Variants in G2E3 observed in about 807,000 individuals in gnomAD.
G2E3 encodes G2/M phase-specific E3 ubiquitin-protein ligase.
A neutral mutation model predicts 92.8 loss-of-function variants in G2E3; 35 were observed. That is an observed-to-expected ratio of 0.38 (90% CI 0.29 to 0.50). The LOEUF (loss-of-function observed/expected upper bound fraction) is 0.50, where lower values mean the gene tolerates loss of function less well. Among genes scored for constraint, G2E3 ranks in the 20% least tolerant of loss-of-function variants. The pLI is 0.94. For missense variants in G2E3, 554 were observed against 823.8 expected (o/e 0.67, Z 4.01); for synonymous variants, 242 against 272.4 (o/e 0.89, Z 1.10).
At chr14:30,577,174 G>A (rs1358619566) in intron 1 of G2E3, among the ~76,000 whole-genome samples, 2 of 141,334 alleles carry the variant, frequency 1.4e-5, no homozygotes, top group African/African-American at 2.7e-5. Context: ...GCAGTGAGCC[G>A]AGATTGCGTC....
At position 30,563,738 on chromosome 14, in the gene G2E3, T is replaced by TGA. The variant is rs1555336421; in HGVS notation, c.-5+4467_-5+4468dup. ...GTGTGTGTGTGTGTGTGTGTGTGTG[T>TGA]GATATAGAGTCTCACTCTGTTGCCC... On this transcript the variant is annotated intron_variant, in intron 1 of 14. Coordinates refer to ENST00000206595, the MANE Select transcript of G2E3 (RefSeq NM_017769.5). Among the ~76,000 whole-genome samples, 87 of 141,618 alleles carry TGA rather than the reference T, an allele frequency of 6.1e-4. 2 individuals are homozygous for TGA. Among genetic ancestry groups the TGA allele is most frequent in the African/African-American group, 2.0e-3 (76 of 38,590 alleles). The allele number at this position is 141,618 out of a possible 152,430, so 92.9% of individuals were successfully genotyped here. A position where few individuals can be genotyped will look rare whatever the true frequency, so the allele number is the denominator to read the frequency against.
At chr14:30,563,925 G>T (rs1237449751) in intron 1 of G2E3, among the ~76,000 whole-genome samples, 1 of 152,084 alleles carries the variant, frequency 6.6e-6, no homozygotes, top group Non-Finnish European at 1.5e-5. Flanking sequence ...CGCCATGTTG[G>T]TCAGGCTTGT....
chr14:30,559,887 TCA>T (rs1878986477), intron 1 of G2E3: 1 of 152,188 alleles, frequency 6.6e-6, no homozygotes, highest in South Asian at 2.1e-4. Context: ...TTGACATTTT[TCA>T]TGTACCGCAA....
chr14:30,605,808 T>C lies in G2E3; in HGVS notation c.1314T>C (p.Ser438=). 3 of 1,503,202 alleles carry C rather than the reference T, an allele frequency of 2.0e-6. No individual in the cohort carries two copies. The highest frequency in any genetic ancestry group is 2.7e-6 in the Non-Finnish European group (3 of 1,111,904). 93.1% of individuals were successfully genotyped at this position (1,503,202 alleles called of 1,614,324 possible). A position where few individuals can be genotyped will look rare whatever the true frequency, so the allele number is the denominator to read the frequency against. ...TGTCAAAGAACTTGTCTCTAAATTC[T>C]CAAGGTAATTATTTTATTTATTGTT... ...GSLSKNLSLN[S]QALKENLYYE... The change falls in exon 11 of 15, where the codon TCT becomes TCC. Residue 438 remains serine (S), a synonymous_variant. Transcript: ENST00000206595.
At chr14:30,565,668 TTTTTTTTTTTTG>T in intron 1 of G2E3, among the ~76,000 whole-genome samples, 1 of 134,476 alleles carries the variant, frequency 7.4e-6, no homozygotes, top group African/African-American at 2.8e-5. Flanking sequence ...TTTTTTTTTT[TTTTTTTTTTTTG>T]AGATGGAGTC....
intron 1 of G2E3, among the ~76,000 whole-genome samples, chr14:30,579,692 T>TG (rs1316691691): frequency 8.5e-5 from 13 of 152,244 alleles, no homozygotes; most frequent in African/African-American, 2.9e-4. Flanking sequence ...TGAAGTACCA[T>TG]GGTGTAACCT....
chr14:30,600,579 C>T (rs1881518720), intron 8 of G2E3, among the ~76,000 whole-genome samples: 1 of 152,128 alleles, frequency 6.6e-6, no homozygotes, highest in Non-Finnish European at 1.5e-5. Flanking sequence ...TTATTTTAGG[C>T]TGTTCTTAAC....
chr14:30,585,974 C>T (rs2138833650), intron 2 of G2E3, among the ~76,000 whole-genome samples: 1 of 152,304 alleles, frequency 6.6e-6, no homozygotes, highest in South Asian at 2.1e-4. Context: ...CTCATGTACC[C>T]TCTTTTCCCA....
intron 3 of G2E3, 150 bp downstream of exon 3, chr14:30,586,965 A>G (rs1002381854): frequency 3.5e-5 from 14 of 403,354 alleles, no homozygotes; most frequent in East Asian, 3.4e-4. Context: ...TTGTTTTTTG[A>G]TATTGAATTC....
At chr14:30,572,436 AG>A (rs1209896969) in intron 1 of G2E3, among the ~76,000 whole-genome samples, 2 of 152,178 alleles carry the variant, frequency 1.3e-5, no homozygotes, top group Non-Finnish European at 2.9e-5. Context: ...GACATTTGTC[AG>A]ATGCCCTTTT....
At position 30,601,706 on chromosome 14, in the gene G2E3, A is replaced by G. The variant is rs936647950; in HGVS notation, c.753-64A>G. The G allele has an allele frequency of 7.1e-6, 11 of 1,546,814 alleles. No homozygotes were observed. The African/African-American group carries it at 9.5e-5, about 13-fold the overall frequency. On this transcript the variant is annotated intron_variant, in intron 8 of 14. Transcript: ENST00000206595. ...GTGTAAGAAGGCAGGCCCTGTGGAC[A>G]TTGCTAGTGGTTGAAACTAGAATAA...
At chr14:30,565,499 T>A (rs193175364) in intron 1 of G2E3, among the ~76,000 whole-genome samples, 1 of 152,186 alleles carries the variant, frequency 6.6e-6, no homozygotes, top group African/African-American at 2.4e-5. Context: ...TGGTGTCATA[T>A]CTCAGAAACC....
chr14:30,601,663 G>A (rs1293825274), intron 8 of G2E3, 107 bp from the exon 9 acceptor site: 15 of 974,886 alleles, frequency 1.5e-5, no homozygotes, highest in Middle Eastern at 2.9e-4. Flanking sequence ...TCGATTGGGC[G>A]GGTGTGTGCG....
At chr14:30,568,539 C>T (rs1879572093) in intron 1 of G2E3, among the ~76,000 whole-genome samples, 2 of 152,002 alleles carry the variant, frequency 1.3e-5, no homozygotes, top group Non-Finnish European at 2.9e-5. Flanking sequence ...ATTCCCTTCT[C>T]ATTACCTTTT....
intron 2 of G2E3, 24 bp from the exon 3 acceptor site, chr14:30,586,694 A>G (rs766506513): frequency 1.3e-6 from 1 of 765,950 alleles, no homozygotes; most frequent in Admixed American, 2.7e-5. Flanking sequence ...ATATTTTTAT[A>G]TCTATTTACT....
intron 1 of G2E3, chr14:30,560,917 G>A (rs1207844666): frequency 1.5e-6 from 1 of 646,146 alleles, no homozygotes; most frequent in Non-Finnish European, 2.8e-6. Context: ...GTTGATTAAA[G>A]ACATGGAACT....
Position 30,597,545 on chromosome 14 carries a change from T to G in G2E3, c.635+19T>G. ...CTGAAAAGTGAGTAACATTTAGCCTTATGATAAAAAAAAGATATTTTAAAT... is the reference window on the plus strand; with the variant it reads ...CTGAAAAGTGAGTAACATTTAGCCTGATGATAAAAAAAAGATATTTTAAAT... On this transcript the variant is annotated intron_variant, in intron 7 of 14. Coordinates refer to ENST00000206595, the MANE Select transcript of G2E3 (RefSeq NM_017769.5). The G allele has an allele frequency of 8.6e-7, 1 of 1,157,270 alleles. No individual in the cohort carries two copies. The highest frequency in any genetic ancestry group is 1.3e-6 in the Non-Finnish European group (1 of 768,642). The allele number at this position is 1,157,270 out of a possible 1,614,324, so 71.7% of individuals were successfully genotyped here.
chr14:30,605,639 G>A lies in G2E3; in HGVS notation c.1145G>A (p.Arg382Gln), dbSNP rs113560222. 4.1e-5 allele frequency: 66 copies of A among 1,607,574 alleles called. No individual in the cohort carries two copies. The highest frequency in any genetic ancestry group is 2.5e-4 in the African/African-American group (19 of 74,672). Residue 382 changes from arginine to glutamine, a missense_variant, in exon 11 of 15, where the codon CGA (arginine) becomes CAA (glutamine). This residue lies in a region of G2E3 where 397 missense variants were observed against 560.3 expected (regional missense o/e 0.71). Transcript: ENST00000206595. The stretch of plus-strand genomic sequence containing the variant: ...AGTGCCTTAGATGCATTCAGAAATC[G>A]AAACTTTAATCCTTCATATGCAATT... Reference protein sequence around the residue: ...WNSALDAFRNRNFNPSYAIEV... With the variant: ...WNSALDAFRNQNFNPSYAIEV...
At chr14:30,584,150 T>A (rs531068697) in intron 2 of G2E3, among the ~76,000 whole-genome samples, 7 of 152,342 alleles carry the variant, frequency 4.6e-5, no homozygotes, top group African/African-American at 1.4e-4. Flanking sequence ...GTGTTTGACT[T>A]CTTTCACTTA....
Sources: allele counts gnomAD v4.1 joint callset (sites outside exome capture counted in the v4.1 genomes callset), GRCh38; gene constraint gnomAD v4.1.1; regional missense constraint gnomAD v4.1.1; transcripts MANE v1.5; gene names NCBI Gene and HGNC (gene_info 2026-07-23, HGNC 2026-07-21).